The following CYP4F8 variants were observed in gnomAD, a reference collection of about 807,000 sequenced individuals.
CYP4F8 encodes the protein cytochrome P450 family 4 subfamily F member 8.
CYP4F8 carries 56 observed loss-of-function variants against 55.0 expected under a neutral mutation model. The ratio of observed to expected loss-of-function variants is 1.02; its 90% confidence interval spans 0.82 to 1.27. The LOEUF is 1.27. CYP4F8 is among the 50% of genes most tolerant of loss of function. The pLI, the probability that CYP4F8 is intolerant of heterozygous loss-of-function variation, is 0.00. For synonymous variants in CYP4F8, 288 were observed against 267.3 expected, an observed-to-expected ratio of 1.08 and a Z score of -0.76; for missense variants, 680 against 682.4, an observed-to-expected ratio of 1.00 and a Z score of 0.04.
Position 15,617,914 on chromosome 19 carries a change from C to A in CYP4F8, c.199-86C>A, listed in dbSNP as rs1599856905. 2.0e-6 allele frequency: 3 copies of A among 1,502,172 alleles called. No homozygotes were observed. In the East Asian group the frequency reaches 6.9e-5, roughly 35 times the overall value. The allele number at this position is 1,502,172 out of a possible 1,614,324, so 93.1% of individuals were successfully genotyped here. ...CCTGAAACACTCTCACAGACATACC[C>A]AGAAATAATGTTTGACTGGATATCT... is the stretch of plus-strand genomic sequence containing the variant. On this transcript the variant is annotated intron_variant, in intron 2 of 12. Transcript: ENST00000612078.
intron 3 of CYP4F8, 117 bp downstream of exon 3, chr19:15,618,261 C>T: frequency 6.8e-7 from 1 of 1,472,562 alleles, no homozygotes; most frequent in Non-Finnish European, 9.5e-7. Context: ...TCCTGCTTCT[C>T]TCTCAGCCAC....
At position 15,629,291 on chromosome 19, in the gene CYP4F8, G is replaced by T; in HGVS notation, c.1496G>T (p.Arg499Leu). The change falls in exon 13 of 13, where the codon CGC becomes CTC. Residue 499 changes from arginine to leucine, a missense_variant. Coordinates refer to ENST00000612078, the MANE Select transcript of CYP4F8 (RefSeq NM_007253.4). Reference sequence around the variant, plus strand: ...ATCCTGCCCGACCACAGGGAGCCACGCAGGACGCCGGAGATTGTTTTGCGT... The same window carrying T: ...ATCCTGCCCGACCACAGGGAGCCACTCAGGACGCCGGAGATTGTTTTGCGT... The part of the protein sequence containing the change: ...FRILPDHREP[R>L]RTPEIVLRAE... 6.2e-7 allele frequency: 1 copy of T among 1,613,172 alleles called. No homozygotes were observed. The highest frequency in any genetic ancestry group is 8.5e-7 in the Non-Finnish European group (1 of 1,179,614).
Position 15,619,319 on chromosome 19 carries a change from C to G in CYP4F8, c.344-171C>G. 16 of 662,598 alleles carry G rather than the reference C, an allele frequency of 2.4e-5. No homozygotes were observed. In the South Asian group the frequency reaches 2.7e-4, roughly 11 times the overall value. 41.0% of individuals were successfully genotyped at this position (662,598 alleles called of 1,614,324 possible). A position where few individuals can be genotyped will look rare whatever the true frequency, so the allele number is the denominator to read the frequency against. Reference sequence around the variant, plus strand: ...TCTATAGTGTTGTTGCAGCCTAGTCCGGTCCCCTTTATGCCCCCCACCCTC... The same window carrying G: ...TCTATAGTGTTGTTGCAGCCTAGTCGGGTCCCCTTTATGCCCCCCACCCTC... On this transcript the variant is annotated intron_variant, in intron 3 of 12. Coordinates refer to ENST00000612078, the MANE Select transcript of CYP4F8 (RefSeq NM_007253.4).
Position 15,629,256 on chromosome 19 carries a change from G to C in CYP4F8, c.1461G>C (p.Leu487=). 1 of 1,613,542 alleles carries C rather than the reference G, an allele frequency of 6.2e-7. No individual in the cohort carries two copies. The highest frequency in any genetic ancestry group is 8.5e-7 in the Non-Finnish European group (1 of 1,179,784). ...EMKVVLALTL[L]RFRILPDHRE... ...AGGTGGTCCTGGCGCTCACGCTGCTGCGCTTCCGCATCCTGCCCGACCACA... is the reference window on the plus strand; with the variant it reads ...AGGTGGTCCTGGCGCTCACGCTGCTCCGCTTCCGCATCCTGCCCGACCACA... The change falls in exon 13 of 13, where the codon CTG becomes CTC. Residue 487 remains leucine (L), a synonymous_variant. Coordinates refer to ENST00000612078, the MANE Select transcript of CYP4F8 (RefSeq NM_007253.4).
At chr19:15,622,017 G>A (rs931640990) in intron 5 of CYP4F8, 10 of 610,216 alleles carry the variant, frequency 1.6e-5, no homozygotes, top group Middle Eastern at 4.6e-4. Flanking sequence ...TCACAGCTGG[G>A]GCTTGAACCC....
intron 9 of CYP4F8, chr19:15,628,047 C>T (rs753610540): frequency 1.4e-5 from 7 of 512,430 alleles, no homozygotes; most frequent in Non-Finnish European, 2.4e-5. Context: ...GAGTGAGCCA[C>T]TGCACCCCGC....
Position 15,622,227 on chromosome 19 carries a change from G to C in CYP4F8, c.534G>C (p.Trp178Cys). 3 of 1,613,442 alleles carry C rather than the reference G, an allele frequency of 1.9e-6. No homozygotes were observed. Among genetic ancestry groups the C allele is most frequent in the Non-Finnish European group, 2.5e-6 (3 of 1,179,646 alleles). ...SKSANIMHAK[W>C]QRLAMEGSTC... is the part of the protein sequence containing the mutation. The stretch of plus-strand genomic sequence containing the variant: ...CTCCCTTCTCTGGCCAGGCCAAGTG[G>C]CAACGCCTGGCCATGGAGGGCAGCA... Residue 178 changes from tryptophan (W) to cysteine (C), a missense_variant, in exon 6 of 13, where the codon TGG (tryptophan) becomes TGC (cysteine). Coordinates refer to ENST00000612078, the MANE Select transcript of CYP4F8 (RefSeq NM_007253.4).
rs1054996213 is a variant in CYP4F8 at position 15,629,559 on chromosome 19, G to A, written c.*201G>A. 1 of 679,814 alleles carries A rather than the reference G, an allele frequency of 1.5e-6. No homozygotes were observed. The highest frequency in any genetic ancestry group is 3.1e-5 in the East Asian group (1 of 32,036). 42.1% of individuals were successfully genotyped at this position (679,814 alleles called of 1,614,324 possible). ...TGTCTCTGTGCCCAAGATACTCACTGCCTCTCTGGGTGAGCACAGGAGCCC... is the reference window on the plus strand; with the variant it reads ...TGTCTCTGTGCCCAAGATACTCACTACCTCTCTGGGTGAGCACAGGAGCCC... On this transcript the variant is annotated 3_prime_UTR_variant, in exon 13 of 13. Transcript: ENST00000612078.
At chr19:15,624,201 C>T (rs1972234274) in intron 9 of CYP4F8, 107 bp downstream of exon 9, 3 of 1,516,336 alleles carry the variant, frequency 2.0e-6, no homozygotes, top group Admixed American at 4.1e-5. Context: ...ATGATTCTGC[C>T]ATTGTTGCCT....
At chr19:15,623,517 T>TGGGGG in intron 7 of CYP4F8, 142 bp downstream of exon 7, 32 of 1,050,134 alleles carry the variant, frequency 3.0e-5, no homozygotes, top group African/African-American at 4.9e-5. Flanking sequence ...CAGATAAATT[T>TGGGGG]TAGAGGTGAT....
At chr19:15,623,524 T>A in intron 7 of CYP4F8, 149 bp downstream of exon 7, 2 of 1,037,922 alleles carry the variant, frequency 1.9e-6, no homozygotes, top group South Asian at 3.6e-5. Context: ...ATTTTAGAGG[T>A]GATTGCATAG....
intron 11 of CYP4F8, 72 bp from the exon 12 acceptor site, chr19:15,628,689 A>C: frequency 6.2e-7 from 1 of 1,604,688 alleles, no homozygotes; most frequent in Non-Finnish European, 8.5e-7. Flanking sequence ...CTCCACCCAC[A>C]TCTGTTTTAT....
Position 15,615,691 on chromosome 19 carries a change from C to A in CYP4F8, c.75C>A (p.Val25=). The change falls in exon 2 of 13, where the codon GTC becomes GTA. Residue 25 remains valine, a synonymous_variant. Transcript: ENST00000612078. ...CCCCGTGGCTGCTCCTGCTGGTGGT[C>A]GGGGCCTCCTGGCTCCTGGCCCGCA... ...AASPWLLLLV[V]GASWLLARIL... 2 of 1,613,992 alleles carry A rather than the reference C, an allele frequency of 1.2e-6. No individual in the cohort carries two copies. Among genetic ancestry groups the A allele is most frequent in the Non-Finnish European group, 1.7e-6 (2 of 1,179,942 alleles).
Position 15,615,639 on chromosome 19 carries a change from G to A in CYP4F8, c.23G>A (p.Trp8Ter). The change falls in exon 2 of 13, where the codon TGG becomes TAG. Residue 8 changes from tryptophan to a stop codon, truncating the protein, a stop_gained. Coordinates refer to ENST00000612078, the MANE Select transcript of CYP4F8 (RefSeq NM_007253.4). LOFTEE classifies it high-confidence loss of function. The stretch of plus-strand genomic sequence containing the variant: ...AGGATGTCGCTGCTGAGCCTGTCTT[G>A]GCTGGGCCTCAGGCCGGTGGCAGCA... MSLLSLSWLGLRPVAASP... is the reference protein window; with the variant it reads MSLLSLS 1 of 1,613,782 alleles carries A rather than the reference G, an allele frequency of 6.2e-7. No individual in the cohort carries two copies. The highest frequency in any genetic ancestry group is 8.5e-7 in the Non-Finnish European group (1 of 1,179,882).
At chr19:15,623,536 A>C (rs1972222954) in intron 7 of CYP4F8, 161 bp downstream of exon 7, 22 of 1,022,562 alleles carry the variant, frequency 2.2e-5, no homozygotes, top group Non-Finnish European at 2.9e-5. Context: ...ATTGCATAGA[A>C]AGCTTCCTGG....
At position 15,628,614 on chromosome 19, in the gene CYP4F8, T is replaced by A; in HGVS notation, c.1314+19T>A. ...CCCTGAGGTGCTGCCCCTCCCTGTT[T>A]CTCCATCCCCCGGGCCTGGTCGGGG... On this transcript the variant is annotated intron_variant, in intron 11 of 12. Coordinates refer to ENST00000612078, the MANE Select transcript of CYP4F8 (RefSeq NM_007253.4). The A allele has an allele frequency of 1.2e-6, 2 of 1,612,344 alleles. No individual in the cohort carries two copies. Among genetic ancestry groups the A allele is most frequent in the South Asian group, 2.2e-5 (2 of 90,812 alleles).
chr19:15,629,142 G>A, intron 12 of CYP4F8, 51 bp from the exon 13 acceptor site: 3 of 1,524,200 alleles, frequency 2.0e-6, no homozygotes, highest in Non-Finnish European at 1.8e-6. Flanking sequence ...GGCGCAGTGG[G>A]GCCGGGATCT....
In CYP4F8 at chr19:15,623,254, T is replaced by A. The variant is rs1314732021; in HGVS notation, c.797T>A (p.Phe266Tyr). The A allele has an allele frequency of 1.2e-6, 2 of 1,613,880 alleles. No individual in the cohort carries two copies. The highest frequency in any genetic ancestry group is 1.7e-6 in the Non-Finnish European group (2 of 1,180,012). Residue 266 changes from phenylalanine to tyrosine, a missense_variant, in exon 7 of 13, where the codon TTC becomes TAC. Transcript: ENST00000612078. Reference protein sequence around the residue: ...FHRACRLVHDFTDAVIQERRR... With the variant: ...FHRACRLVHDYTDAVIQERRR... ...AGGGCCTGCAGACTGGTGCACGACT[T>A]CACAGATGCCGTCATCCAGGAGCGG...
At chr19:15,620,785 G>A (rs934931755) in intron 5 of CYP4F8, among the ~76,000 whole-genome samples, 1 of 152,190 alleles carries the variant, frequency 6.6e-6, no homozygotes, top group African/African-American at 2.4e-5. Flanking sequence ...GGGCAAAATA[G>A]GCTCCATCTC....
Sources: allele counts gnomAD v4.1 joint callset (sites outside exome capture counted in the v4.1 genomes callset), GRCh38; gene constraint gnomAD v4.1.1; transcripts MANE v1.5; gene names NCBI Gene and HGNC (gene_info 2026-07-23, HGNC 2026-07-21).